The following CSMD2 variants were observed in gnomAD, a reference collection of about 807,000 sequenced individuals.
The protein encoded by CSMD2 is CUB and sushi domain-containing protein 2.
CSMD2 carries 130 observed loss-of-function variants against 398.5 expected under a neutral mutation model. The observed-to-expected ratio is 0.33, with a 90% CI of 0.28 to 0.38. The LOEUF (loss-of-function observed/expected upper bound fraction) is 0.38, where lower values mean the gene tolerates loss of function less well. Among genes scored for constraint, CSMD2 ranks in the 10% least tolerant of loss-of-function variants. The probability of loss-of-function intolerance (pLI) is 1.00; values close to 1 mark genes in which losing one functional copy is unlikely to be tolerated. For missense variants in CSMD2, 3,829 were observed against 4,764.9 expected (o/e 0.80, Z 5.78); for synonymous variants, 1,828 against 1,908.5 (o/e 0.96, Z 1.10).
intron 13 of CSMD2, among the ~76,000 whole-genome samples, chr1:33,758,985 T>C (rs900734675): frequency 2.6e-5 from 4 of 152,130 alleles, no homozygotes; most frequent in Non-Finnish European, 5.9e-5. Context: ...GAGATATGAG[T>C]AATAAATAAA....
intron 12 of CSMD2, among the ~76,000 whole-genome samples, chr1:33,774,571 C>A (rs941506360): frequency 1.3e-5 from 2 of 152,114 alleles, no homozygotes; most frequent in East Asian, 3.9e-4. Flanking sequence ...CATTTTGAGA[C>A]CTGGTGAAAG....
At chr1:34,036,810 T>C (rs189256833) in intron 2 of CSMD2, among the ~76,000 whole-genome samples, 3 of 152,356 alleles carry the variant, frequency 2.0e-5, no homozygotes, top group East Asian at 1.9e-4. Context: ...ATCTACCATA[T>C]TGACTTCTGA....
intron 3 of CSMD2, among the ~76,000 whole-genome samples, chr1:33,945,026 C>T (rs557549763): frequency 6.6e-6 from 1 of 152,204 alleles, no homozygotes; most frequent in Non-Finnish European, 1.5e-5. Flanking sequence ...CCTAGACTAG[C>T]TGGGGCTGCA....
At chr1:33,728,094 T>C (rs1450849972) in intron 15 of CSMD2, among the ~76,000 whole-genome samples, 4 of 152,198 alleles carry the variant, frequency 2.6e-5, no homozygotes, top group South Asian at 2.1e-4. Flanking sequence ...GTTGCAGAGC[T>C]TGGATTCAGA....
At chr1:33,987,475 G>C (rs1646399398) in intron 3 of CSMD2, among the ~76,000 whole-genome samples, 2 of 152,080 alleles carry the variant, frequency 1.3e-5, no homozygotes. Context: ...CAGGGAGTTG[G>C]GCATCAGAAC....
At chr1:33,517,191 G>A (rs1653841674) in intron 70 of CSMD2, among the ~76,000 whole-genome samples, 2 of 152,174 alleles carry the variant, frequency 1.3e-5, no homozygotes, top group East Asian at 1.9e-4. Context: ...TGCAATGTGT[G>A]TGTGTCTGTT....
At chr1:34,074,725 G>GACACAC (rs60737142) in intron 2 of CSMD2, among the ~76,000 whole-genome samples, 13 of 151,132 alleles carry the variant, frequency 8.6e-5, no homozygotes, top group African/African-American at 2.9e-4. Flanking sequence ...AAATGAAGAA[G>GACACAC]ACACACACAC....
chr1:33,807,734 G>C (rs1656387123), intron 10 of CSMD2, among the ~76,000 whole-genome samples: 1 of 152,102 alleles, frequency 6.6e-6, no homozygotes, highest in Admixed American at 6.5e-5. Context: ...TTAATGCTAG[G>C]CTTTATTAAG....
In CSMD2 at chr1:33,724,292, T is replaced by C; in HGVS notation, c.2906A>G (p.Gln969Arg). Residue 969 changes from glutamine to arginine, a missense_variant, in exon 19 of 71, where the codon CAA becomes CGA. Gln to Arg is a conservative substitution (Grantham distance 43). Around this residue, in one of 5 missense-constraint regions of CSMD2, gnomAD observed 2,001 missense variants for 2,567.1 expected, o/e 0.78. Transcript: ENST00000373381. The stretch of plus-strand genomic sequence containing the variant: ...CGACAAGATGGTCCCACTGGAGCCT[T>C]GAATGAAGCCACCACAGAGAGCTAC... ...SCEALCGGFIQGSSGTILSPG... is the reference protein window; with the variant it reads ...SCEALCGGFIRGSSGTILSPG... The C allele has an allele frequency of 6.2e-7, 1 of 1,613,834 alleles. No homozygotes were observed. The highest frequency in any genetic ancestry group is 8.5e-7 in the Non-Finnish European group (1 of 1,179,828).
At chr1:34,137,056 AT>A (rs978970986) in intron 1 of CSMD2, among the ~76,000 whole-genome samples, 16 of 151,956 alleles carry the variant, frequency 1.1e-4, no homozygotes, top group African/African-American at 3.6e-4. Flanking sequence ...GCATTTATCC[AT>A]CCCCCCATCT....
chr1:33,670,128 G>A (rs1644445022), intron 25 of CSMD2, among the ~76,000 whole-genome samples: 2 of 152,158 alleles, frequency 1.3e-5, no homozygotes, highest in South Asian at 4.1e-4. Context: ...CACATCCAGT[G>A]GGGAGCTTTT....
chr1:33,709,536 A>G (rs1256682831), intron 21 of CSMD2: 8 of 482,130 alleles, frequency 1.7e-5, no homozygotes, highest in African/African-American at 3.9e-5. Flanking sequence ...CCCACCAGGC[A>G]TCCTTTACAA....
intron 14 of CSMD2, among the ~76,000 whole-genome samples, chr1:33,741,316 G>A (rs188055336): frequency 6.6e-6 from 1 of 152,120 alleles, no homozygotes; most frequent in African/African-American, 2.4e-5. Context: ...CAGTTGGGAT[G>A]TAGGAGGAGA....
At chr1:33,778,196 C>A (rs1361482190) in intron 12 of CSMD2, among the ~76,000 whole-genome samples, 1 of 152,112 alleles carries the variant, frequency 6.6e-6, no homozygotes, top group Non-Finnish European at 1.5e-5. Context: ...GCACCCCATT[C>A]TTTTTATTTT....
chr1:33,723,225 T>C (rs1254228283), intron 19 of CSMD2, among the ~76,000 whole-genome samples: 1 of 152,268 alleles, frequency 6.6e-6, no homozygotes, highest in East Asian at 1.9e-4. Flanking sequence ...CTCTTCTGCA[T>C]GTTAATTCTT....
In CSMD2 at chr1:33,680,526, G is replaced by A. The variant is rs563900271; in HGVS notation, c.4052+12404C>T. The stretch of plus-strand genomic sequence containing the variant: ...GCTCAGCATCTGAGTCTTGCACTCC[G>A]CCCAGGCACCTGACTTTAGCTCTTT... On this transcript the variant is annotated intron_variant, in intron 25 of 70. Transcript: ENST00000373381. Among the ~76,000 whole-genome samples the A allele has an allele frequency of 3.3e-5, 5 of 152,160 alleles. No individual in the cohort carries two copies. In the East Asian group the frequency reaches 5.8e-4, roughly 18 times the overall value.
intron 13 of CSMD2, 121 bp downstream of exon 13, chr1:33,772,448 C>T: frequency 1.2e-6 from 1 of 813,146 alleles, no homozygotes; most frequent in Non-Finnish European, 2.0e-6. Flanking sequence ...ATAAACCAAC[C>T]AGAGTGCAGC....
chr1:34,029,330 C>T (rs1459199912), intron 3 of CSMD2, among the ~76,000 whole-genome samples: 1 of 152,162 alleles, frequency 6.6e-6, no homozygotes, highest in Non-Finnish European at 1.5e-5. Flanking sequence ...TCCTCCACCC[C>T]ACAATGAGGC....
chr1:34,055,032 C>T (rs1653659004), intron 2 of CSMD2, among the ~76,000 whole-genome samples: 1 of 152,060 alleles, frequency 6.6e-6, no homozygotes, highest in Non-Finnish European at 1.5e-5. Context: ...GGAAATAAAA[C>T]ACTGTAAACA....
Sources: gnomAD v4.1 joint callset for allele counts (sites outside exome capture counted in the v4.1 genomes callset) on GRCh38, gnomAD v4.1.1 for gene constraint, gnomAD v4.1.1 regional missense constraint, MANE v1.5 for transcripts, NCBI Gene and HGNC (gene_info 2026-07-23, HGNC 2026-07-21) for gene names.